SCFD2: variants seen among roughly 807,000 people sequenced by gnomAD.
SCFD2 encodes sec1 family domain containing 2.
SCFD2 carries 54 observed loss-of-function variants against 58.9 expected under a neutral mutation model. That is an observed-to-expected ratio of 0.92 (90% CI 0.74 to 1.15). SCFD2 has a LOEUF of 1.15. Ranked by LOEUF, SCFD2 falls within the 50% of genes most tolerant of loss-of-function variation. The pLI, the probability that SCFD2 is intolerant of heterozygous loss-of-function variation, is 0.00. For missense variants in SCFD2, 805 were observed against 836.6 expected (o/e 0.96, Z 0.47); for synonymous variants, 321 against 335.9 (o/e 0.96, Z 0.49).
chr4:53,268,983 G>GA (rs1475398084), intron 4 of SCFD2, among the ~76,000 whole-genome samples: 1 of 152,136 alleles, frequency 6.6e-6, no homozygotes, highest in Non-Finnish European at 1.5e-5. Flanking sequence ...TGCAATTATG[G>GA]AAAGGGGGAA....
intron 5 of SCFD2, among the ~76,000 whole-genome samples, chr4:53,113,181 C>A (rs13123149): frequency 0.19 from 28,372 of 152,120 alleles, 3,335 homozygotes; most frequent in Non-Finnish European, 0.26. Flanking sequence ...AACTTCAAGA[C>A]CAGACTGGCA....
In SCFD2 at chr4:52,873,850, A is replaced by G; in HGVS notation, c.*119T>C. On this transcript the variant is annotated 3_prime_UTR_variant, in exon 9 of 9. Transcript: ENST00000401642. ...TAGGTATCAAGACCCTTCAGGCAGA[A>G]TTCCATCATTCTCGCAATTAGTGAC... 2.8e-6 allele frequency: 2 copies of G among 701,964 alleles called. No homozygotes were observed. Among genetic ancestry groups the G allele is most frequent in the Non-Finnish European group, 5.1e-6 (2 of 389,996 alleles). The allele number at this position is 701,964 out of a possible 1,614,324, so 43.5% of individuals were successfully genotyped here.
chr4:52,976,881 T>C (rs764726094), intron 5 of SCFD2, among the ~76,000 whole-genome samples: 2 of 152,146 alleles, frequency 1.3e-5, no homozygotes, highest in Non-Finnish European at 2.9e-5. Flanking sequence ...CACCATTTAC[T>C]AGCTGGATAA....
chr4:53,210,243 G>A (rs916638616), intron 4 of SCFD2, among the ~76,000 whole-genome samples: 3 of 152,058 alleles, frequency 2.0e-5, no homozygotes, highest in African/African-American at 7.3e-5. Context: ...GTGGGAAAAG[G>A]GGCAGGCTGA....
intron 4 of SCFD2, among the ~76,000 whole-genome samples, chr4:53,217,544 G>A (rs1318260506): frequency 1.5e-4 from 23 of 152,222 alleles, no homozygotes; most frequent in Admixed American, 1.2e-3. Flanking sequence ...GTCTCTGCAC[G>A]TGAGATGGGT....
chr4:53,279,380 T>A (rs1260698145), intron 3 of SCFD2, among the ~76,000 whole-genome samples: 1 of 152,162 alleles, frequency 6.6e-6, no homozygotes, highest in Non-Finnish European at 1.5e-5. Flanking sequence ...CCTCCCAAAG[T>A]ACTGGGATTA....
At chr4:53,042,325 A>G (rs1560310899) in intron 5 of SCFD2, among the ~76,000 whole-genome samples, 1 of 151,712 alleles carries the variant, frequency 6.6e-6, no homozygotes, top group Non-Finnish European at 1.5e-5. Context: ...CTTCTAAAAA[A>G]TGTGTGTGTG....
chr4:53,170,775 A>AT (rs934139197), intron 4 of SCFD2, among the ~76,000 whole-genome samples: 2 of 151,882 alleles, frequency 1.3e-5, no homozygotes, highest in South Asian at 2.1e-4. Context: ...ATTCCTAGGT[A>AT]TTTTTTTATA....
At position 53,352,722 on chromosome 4, in the gene SCFD2, A is replaced by G. The variant is rs1409392423; in HGVS notation, c.883T>C (p.Ser295Pro). 6.2e-7 allele frequency: 1 copy of G among 1,614,108 alleles called. No individual in the cohort carries two copies. The change falls in exon 2 of 9, where the codon TCA (serine) becomes CCA (proline). Residue 295 changes from serine (S) to proline (P), a missense_variant. Coordinates refer to ENST00000401642, the MANE Select transcript of SCFD2 (RefSeq NM_152540.4). ...HGDNLVEKII[S>P]ALPQLPGHTN... ...TGGCCTGGGAGCTGGGGAAGTGCTG[A>G]AATGATCTTCTCTACTAAGTTGTCT...
chr4:53,321,452 G>A (rs1160718937), intron 2 of SCFD2, among the ~76,000 whole-genome samples: 2 of 151,944 alleles, frequency 1.3e-5, no homozygotes, highest in Admixed American at 6.6e-5. Flanking sequence ...AAATGTGAAC[G>A]CGTACCATTA....
In SCFD2 at chr4:52,979,876, T is replaced by C. The variant is rs1478047149; in HGVS notation, c.1562-59006A>G. On this transcript the variant is annotated intron_variant, in intron 5 of 8. Transcript: ENST00000401642. ...TTAATCAAGTCCCTCTTTATTGTCC[T>C]TACCCATGAGATCTCTTGTTCCCCA... is the stretch of plus-strand genomic sequence containing the variant. Among the ~76,000 whole-genome samples the C allele has an allele frequency of 2.0e-5, 3 of 152,160 alleles. No individual in the cohort carries two copies. The South Asian group carries it at 6.2e-4, about 32-fold the overall frequency.
At chr4:53,084,670 G>A (rs182012820) in intron 5 of SCFD2, among the ~76,000 whole-genome samples, 191 of 152,210 alleles carry the variant, frequency 1.3e-3, no homozygotes, top group South Asian at 3.7e-3. Context: ...TCCGTTCGGG[G>A]TCCCTGACTT....
chr4:53,215,649 C>A (rs946789015), intron 4 of SCFD2, among the ~76,000 whole-genome samples: 1 of 152,062 alleles, frequency 6.6e-6, no homozygotes, highest in Admixed American at 6.6e-5. Context: ...CCTTCTCCTG[C>A]CTGATTGTCC....
chr4:53,056,272 G>A (rs1723336552), intron 5 of SCFD2, among the ~76,000 whole-genome samples: 1 of 152,020 alleles, frequency 6.6e-6, no homozygotes, highest in Admixed American at 6.6e-5. Flanking sequence ...TACAGCCAGT[G>A]GACCTAGACT....
intron 4 of SCFD2, among the ~76,000 whole-genome samples, chr4:53,153,520 T>G (rs987393653): frequency 6.6e-6 from 1 of 152,166 alleles, no homozygotes; most frequent in African/African-American, 2.4e-5. Flanking sequence ...AAACTATTCT[T>G]TCCTCCTACA....
chr4:53,044,489 A>ACTTACTTCCTTCCTTCCTTCCTTCCTTC (rs1722977287), intron 5 of SCFD2, among the ~76,000 whole-genome samples: 1 of 145,884 alleles, frequency 6.9e-6, no homozygotes, highest in African/African-American at 2.5e-5. Context: ...CTTTACAGGA[A>ACTTACTTCCTTCCTTCCTTCCTTCCTTC]CTTCCTTCCT....
In SCFD2 at chr4:52,980,201, C is replaced by G. The variant is rs1872042; in HGVS notation, c.1562-59331G>C. On this transcript the variant is annotated intron_variant, in intron 5 of 8. Transcript: ENST00000401642. ...ATAATGTTGAAGATGATAATAATAA[C>G]GGCAGTTACATGCCACATGCCATGC... Among the ~76,000 whole-genome samples the G allele has an allele frequency of 2.0e-5, 3 of 152,236 alleles. No homozygotes were observed. In the East Asian group the frequency reaches 5.8e-4, roughly 29 times the overall value.
At chr4:53,343,923 T>C (rs1733970363) in intron 2 of SCFD2, among the ~76,000 whole-genome samples, 1 of 152,196 alleles carries the variant, frequency 6.6e-6, no homozygotes. Flanking sequence ...CTAAAAACTC[T>C]CAATAAATTA....
At chr4:53,341,387 C>T (rs1224015252) in intron 2 of SCFD2, among the ~76,000 whole-genome samples, 3 of 151,950 alleles carry the variant, frequency 2.0e-5, no homozygotes, top group African/African-American at 4.8e-5. Context: ...CGAAATGAAG[C>T]AAGAAGAGAA....
Sources: gnomAD v4.1 joint callset for allele counts (sites outside exome capture counted in the v4.1 genomes callset) on GRCh38, gnomAD v4.1.1 for gene constraint, MANE v1.5 for transcripts, NCBI Gene and HGNC (gene_info 2026-07-23, HGNC 2026-07-21) for gene names.